The following FHIT variants were observed in gnomAD, a reference collection of about 807,000 sequenced individuals.
FHIT encodes bis(5'-adenosyl)-triphosphatase.
FHIT carries 19 observed loss-of-function variants against 17.9 expected under a neutral mutation model. The ratio of observed to expected loss-of-function variants is 1.06; its 90% CI spans 0.74 to 1.56. The LOEUF (loss-of-function observed/expected upper bound fraction) is 1.56, where lower values mean the gene tolerates loss of function less well. FHIT is among the 40% of genes most tolerant of loss of function. The pLI is 0.00. For synonymous variants in FHIT, 81 were observed against 69.7 expected (o/e 1.16, Z -0.81); for missense variants, 248 against 189.2 (o/e 1.31, Z -1.82).
At chr3:59,960,003 C>T (rs770045531) in intron 7 of FHIT, among the ~76,000 whole-genome samples, 10 of 152,062 alleles carry the variant, frequency 6.6e-5, no homozygotes, top group East Asian at 1.9e-4. Flanking sequence ...CAGAGCACAT[C>T]GAGCAGGTCA....
At chr3:60,951,658 A>G (rs9811973) in intron 3 of FHIT, among the ~76,000 whole-genome samples, 20,665 of 152,198 alleles carry the variant, frequency 0.14, 1,685 homozygotes, top group Middle Eastern at 0.24. Context: ...TACCAGCACA[A>G]CGCTCTCGGA....
intron 5 of FHIT, among the ~76,000 whole-genome samples, chr3:60,101,664 C>G (rs6807624): frequency 0.37 from 56,876 of 152,012 alleles, 11,006 homozygotes; most frequent in African/African-American, 0.46. Context: ...TGTTTATCTT[C>G]TTTGGCATTG....
At chr3:60,470,539 G>C (rs1306976878) in intron 5 of FHIT, among the ~76,000 whole-genome samples, 1 of 151,846 alleles carries the variant, frequency 6.6e-6, no homozygotes, top group Admixed American at 6.6e-5. Context: ...ACATTCACTC[G>C]AGGTCCAAGG....
intron 5 of FHIT, among the ~76,000 whole-genome samples, chr3:60,238,525 A>G (rs753238655): frequency 6.6e-6 from 1 of 152,176 alleles, no homozygotes; most frequent in Non-Finnish European, 1.5e-5. Flanking sequence ...AAAGCATAAA[A>G]TAAAAGATTA....
intron 3 of FHIT, among the ~76,000 whole-genome samples, chr3:60,887,491 C>T (rs1575645723): frequency 6.6e-6 from 1 of 151,904 alleles, no homozygotes; most frequent in East Asian, 1.9e-4. Flanking sequence ...CTAAAAAATA[C>T]AAAAATTAGC....
chr3:60,240,868 G>C (rs896249020), intron 5 of FHIT, among the ~76,000 whole-genome samples: 3 of 151,996 alleles, frequency 2.0e-5, no homozygotes, highest in African/African-American at 7.3e-5. Flanking sequence ...CCAGGAAATA[G>C]GGAATAAATC....
intron 2 of FHIT, among the ~76,000 whole-genome samples, chr3:61,044,925 C>T (rs879875156): frequency 6.6e-6 from 1 of 152,150 alleles, no homozygotes; most frequent in African/African-American, 2.4e-5. Context: ...TACAGACAAG[C>T]CAATACTGAG....
At chr3:60,218,195 G>C (rs571903503) in intron 5 of FHIT, among the ~76,000 whole-genome samples, 2 of 152,114 alleles carry the variant, frequency 1.3e-5, no homozygotes. Context: ...AGATCGAAAA[G>C]TTTAAGAACC....
At chr3:61,063,956 G>A (rs572826600) in intron 2 of FHIT, among the ~76,000 whole-genome samples, 9 of 152,284 alleles carry the variant, frequency 5.9e-5, no homozygotes, top group African/African-American at 1.9e-4. Flanking sequence ...AGCAGTGTGA[G>A]GTGCTTTTCC....
intron 3 of FHIT, among the ~76,000 whole-genome samples, chr3:60,954,210 T>A (rs1305552336): frequency 6.6e-6 from 1 of 152,206 alleles, no homozygotes; most frequent in African/African-American, 2.4e-5. Flanking sequence ...CATTCTGACC[T>A]ATACATAATT....
At chr3:61,168,927 C>T (rs967854603) in intron 2 of FHIT, among the ~76,000 whole-genome samples, 11 of 130,386 alleles carry the variant, frequency 8.4e-5, no homozygotes, top group Admixed American at 1.7e-4. Flanking sequence ...CTAGTTTTTC[C>T]CATGTTTTGT....
chr3:60,249,346 T>C (rs1250551983), intron 5 of FHIT, among the ~76,000 whole-genome samples: 1 of 152,082 alleles, frequency 6.6e-6, no homozygotes. Context: ...CTATTTACAC[T>C]TTTCTCGGAA....
chr3:59,956,785 G>C (rs757390573), intron 7 of FHIT, among the ~76,000 whole-genome samples: 59 of 152,180 alleles, frequency 3.9e-4, no homozygotes, highest in Admixed American at 7.9e-4. Context: ...AAAACAAAAT[G>C]TGTGAAGCAC....
chr3:61,224,057 G>A (rs565491179), intron 1 of FHIT, among the ~76,000 whole-genome samples: 13 of 152,224 alleles, frequency 8.5e-5, no homozygotes, highest in Non-Finnish European at 1.0e-4. Context: ...CCCCAAAAAC[G>A]TGGATGTCAA....
At chr3:60,979,410 G>A (rs1038765737) in intron 3 of FHIT, among the ~76,000 whole-genome samples, 7 of 152,274 alleles carry the variant, frequency 4.6e-5, no homozygotes, top group South Asian at 2.1e-4. Context: ...TGAACAAAGC[G>A]CTCAAAACTC....
At chr3:61,087,456 C>T (rs926349300) in intron 2 of FHIT, among the ~76,000 whole-genome samples, 2 of 152,038 alleles carry the variant, frequency 1.3e-5, no homozygotes, top group South Asian at 4.1e-4. Context: ...GCCTCAACTT[C>T]CTAAACTATA....
chr3:60,486,399 CTG>C (rs1301534108), intron 5 of FHIT, among the ~76,000 whole-genome samples: 3 of 152,114 alleles, frequency 2.0e-5, no homozygotes, highest in African/African-American at 7.2e-5. Context: ...CATAAAAAGT[CTG>C]TATTTCCTGT....
intron 1 of FHIT, among the ~76,000 whole-genome samples, chr3:61,219,951 C>T (rs138435831): frequency 1.6e-4 from 25 of 152,334 alleles, no homozygotes; most frequent in African/African-American, 3.1e-4. Context: ...TCCAACTGCA[C>T]CATTCTTAAG....
intron 3 of FHIT, among the ~76,000 whole-genome samples, chr3:60,926,225 C>A (rs1192227942): frequency 6.6e-6 from 1 of 152,198 alleles, no homozygotes; most frequent in African/African-American, 2.4e-5. Context: ...ATCTACAGAA[C>A]TCTCCACCCC....
Sources: gnomAD v4.1 joint callset for allele counts (sites outside exome capture counted in the v4.1 genomes callset) on GRCh38, gnomAD v4.1.1 for gene constraint, MANE v1.5 for transcripts, NCBI Gene and HGNC (gene_info 2026-07-23, HGNC 2026-07-21) for gene names.